ZNF366: variants seen among roughly 807,000 people sequenced by gnomAD.
ZNF366 encodes zinc finger protein 366.
Under a neutral mutation model 47.2 loss-of-function variants are expected in ZNF366, and 20 were observed. The observed-to-expected ratio is 0.42, with a 90% CI of 0.30 to 0.62. The LOEUF (loss-of-function observed/expected upper bound fraction) is 0.62, where lower values mean the gene tolerates loss of function less well. Ranked by LOEUF, ZNF366 falls within the 20% of genes least tolerant of loss-of-function variation. ZNF366 has a pLI of 0.16. For missense variants in ZNF366, 987 were observed against 976.3 expected (o/e 1.01, Z -0.15); for synonymous variants, 421 against 395.1 (o/e 1.07, Z -0.78).
At chr5:72,470,042 C>G (rs952949653) in intron 1 of ZNF366, among the ~76,000 whole-genome samples, 5 of 152,076 alleles carry the variant, frequency 3.3e-5, no homozygotes, top group Non-Finnish European at 7.3e-5. Flanking sequence ...AAGACCCCGA[C>G]TTAAAAAATA....
chr5:72,457,229 T>C (rs1204095697), intron 2 of ZNF366, among the ~76,000 whole-genome samples: 1 of 152,114 alleles, frequency 6.6e-6, no homozygotes, highest in Non-Finnish European at 1.5e-5. Flanking sequence ...TGGCAAGAGG[T>C]AGCTTTCTGA....
At chr5:72,445,468 G>A (rs1742939880) in intron 4 of ZNF366, among the ~76,000 whole-genome samples, 1 of 152,194 alleles carries the variant, frequency 6.6e-6, no homozygotes, top group Non-Finnish European at 1.5e-5. Flanking sequence ...TCAGGGGACA[G>A]GAAAGATCTT....
rs182826944 is a variant in ZNF366 at position 72,476,599 on chromosome 5, A to G, written c.-14-15089T>C. Among the ~76,000 whole-genome samples, 163 of 152,248 alleles carry G rather than the reference A, an allele frequency of 1.1e-3. 1 individual carries two copies. Among genetic ancestry groups the G allele is most frequent in the Non-Finnish European group, 1.5e-3 (103 of 68,018 alleles). On this transcript the variant is annotated intron_variant, in intron 1 of 4. Transcript: ENST00000318442. ...GGAGGTGTGGAGAAAATTTTTCTGT[A>G]TGTCAAGATTGAGTTGATGAGGCAC...
chr5:72,463,289 T>C (rs1743365627), intron 1 of ZNF366, among the ~76,000 whole-genome samples: 1 of 152,230 alleles, frequency 6.6e-6, no homozygotes, highest in African/African-American at 2.4e-5. Context: ...ATGAGCCTTT[T>C]TTTGTTTGGT....
At chr5:72,498,324 A>C (rs1409044169) in intron 1 of ZNF366, among the ~76,000 whole-genome samples, 7 of 152,152 alleles carry the variant, frequency 4.6e-5, no homozygotes, top group African/African-American at 1.7e-4. Flanking sequence ...CAATCTCATT[A>C]ATTACATAAT....
At position 72,443,787 on chromosome 5, in the gene ZNF366, A is replaced by G. The variant is rs756466855; in HGVS notation, c.2204T>C (p.Met735Thr). The stretch of plus-strand genomic sequence containing the variant: ...ACCTAAAAGCACTGCTTGTTTTTCC[A>G]TTTTCCTCTCCAGTAATTCTTTCAA... ...ESLKELLERK[M>T]EKQAVLLGI The change falls in exon 5 of 5, where the codon ATG becomes ACG. Residue 735 changes from methionine (M) to threonine (T), a missense_variant. Transcript: ENST00000318442. The G allele has an allele frequency of 1.9e-6, 3 of 1,613,160 alleles. No homozygotes were observed. The highest frequency in any genetic ancestry group is 2.2e-5 in the South Asian group (2 of 91,038).
At chr5:72,503,032 G>A (rs1427294529) in intron 1 of ZNF366, among the ~76,000 whole-genome samples, 1 of 152,134 alleles carries the variant, frequency 6.6e-6, no homozygotes, top group African/African-American at 2.4e-5. Context: ...GGCTGAGACA[G>A]GAGAATCACT....
At chr5:72,490,271 G>C (rs2033655767) in intron 1 of ZNF366, among the ~76,000 whole-genome samples, 1 of 152,142 alleles carries the variant, frequency 6.6e-6, no homozygotes, top group Non-Finnish European at 1.5e-5. Context: ...CTACTGTGGA[G>C]ATAAAAGCTC....
chr5:72,506,933 T>G (rs550583532), intron 1 of ZNF366, among the ~76,000 whole-genome samples: 1 of 152,066 alleles, frequency 6.6e-6, no homozygotes, highest in South Asian at 2.1e-4. Context: ...AAGAGCAAAT[T>G]CTCCAGTGGG....
At chr5:72,460,105 GC>G in intron 2 of ZNF366, 59 bp downstream of exon 2, 2 of 1,570,228 alleles carry the variant, frequency 1.3e-6, no homozygotes, top group Non-Finnish European at 1.7e-6. Flanking sequence ...CCAGTGCTCT[GC>G]TCAGGGCCCC....
chr5:72,475,886 C>T (rs1416361391), intron 1 of ZNF366, among the ~76,000 whole-genome samples: 1 of 152,066 alleles, frequency 6.6e-6, no homozygotes, highest in Non-Finnish European at 1.5e-5. Context: ...ACGGTGACAC[C>T]ATGCCGTCAT....
intron 1 of ZNF366, among the ~76,000 whole-genome samples, chr5:72,479,329 G>C (rs1743736471): frequency 6.6e-6 from 1 of 152,136 alleles, no homozygotes; most frequent in Admixed American, 6.5e-5. Context: ...TTGGGAGTCT[G>C]AGGCAGGAGG....
At chr5:72,479,034 G>T (rs1743729410) in intron 1 of ZNF366, among the ~76,000 whole-genome samples, 1 of 152,038 alleles carries the variant, frequency 6.6e-6, no homozygotes, top group Admixed American at 6.6e-5. Flanking sequence ...GTTTCAAATG[G>T]GCTCTTCCTC....
chr5:72,491,513 C>T (rs1744008467), intron 1 of ZNF366, among the ~76,000 whole-genome samples: 1 of 152,144 alleles, frequency 6.6e-6, no homozygotes, highest in South Asian at 2.1e-4. Flanking sequence ...GGTTTGAATT[C>T]TAGAACTGTG....
chr5:72,469,523 C>G (rs544653484), intron 1 of ZNF366, among the ~76,000 whole-genome samples: 1 of 151,794 alleles, frequency 6.6e-6, no homozygotes, highest in Non-Finnish European at 1.5e-5. Context: ...ATGATATATA[C>G]AGAGGGGAAC....
At chr5:72,473,367 T>C (rs892569291) in intron 1 of ZNF366, among the ~76,000 whole-genome samples, 1 of 152,228 alleles carries the variant, frequency 6.6e-6, no homozygotes, top group Non-Finnish European at 1.5e-5. Context: ...TAAGAAAATG[T>C]ATTCAGAGTT....
At position 72,440,084 on chromosome 5, in the gene ZNF366, T is replaced by C. The variant is rs1030447482; in HGVS notation, c.*3672A>G. The C allele has an allele frequency of 2.6e-5, 4 of 152,268 alleles. No homozygotes were observed. Among genetic ancestry groups the C allele is most frequent in the African/African-American group, 9.6e-5 (4 of 41,470 alleles). 9.4% of individuals were successfully genotyped at this position (152,268 alleles called of 1,614,324 possible). On this transcript the variant is annotated 3_prime_UTR_variant, in exon 5 of 5. Coordinates refer to ENST00000318442, the MANE Select transcript of ZNF366 (RefSeq NM_152625.3). ...TACAAAATCAACATTTGGTGTAATG[T>C]TGTCCAAATATGCGAAGGATTTCAA...
intron 1 of ZNF366, among the ~76,000 whole-genome samples, chr5:72,475,017 G>A (rs1743645744): frequency 6.6e-6 from 1 of 152,184 alleles, no homozygotes; most frequent in Non-Finnish European, 1.5e-5. Context: ...TACAGATCTT[G>A]GGACAAACAC....
intron 1 of ZNF366, among the ~76,000 whole-genome samples, chr5:72,493,918 C>CTTTTTTTTTTTTTTT (rs70999281): frequency 3.2e-5 from 2 of 62,528 alleles, no homozygotes; most frequent in African/African-American, 6.6e-5. Flanking sequence ...CCATGCCCAG[C>CTTTTTTTTTTTTTTT]TTTTTTTTTT....
Sources: allele counts gnomAD v4.1 joint callset (sites outside exome capture counted in the v4.1 genomes callset), GRCh38; gene constraint gnomAD v4.1.1; transcripts MANE v1.5; gene names NCBI Gene and HGNC (gene_info 2026-07-23, HGNC 2026-07-21).